The following MOXD1 variants were observed in gnomAD, a reference collection of about 807,000 sequenced individuals.
MOXD1 encodes the protein monooxygenase DBH like 1, also known as DBH-like monooxygenase protein 1.
In MOXD1, 62 loss-of-function variants were observed where a neutral mutation model predicts 66.6. The ratio of observed to expected loss-of-function variants is 0.93; its 90% CI spans 0.76 to 1.15. The LOEUF (loss-of-function observed/expected upper bound fraction) is 1.15. MOXD1 is among the 50% of genes most tolerant of loss of function. The probability of loss-of-function intolerance (pLI) is 0.00; values close to 1 mark genes in which losing one functional copy is unlikely to be tolerated. For missense variants in MOXD1, 847 were observed against 754.6 expected (o/e 1.12, Z -1.44); for synonymous variants, 303 against 281.9 (o/e 1.07, Z -0.75).
intron 1 of MOXD1, among the ~76,000 whole-genome samples, chr6:132,382,345 T>A (rs924442866): frequency 1.3e-5 from 2 of 152,134 alleles, no homozygotes; most frequent in Non-Finnish European, 2.9e-5. Context: ...ATTCTCACAT[T>A]TATACAGTAT....
At chr6:132,338,531 C>A (rs1464085899) in intron 4 of MOXD1, among the ~76,000 whole-genome samples, 1 of 152,168 alleles carries the variant, frequency 6.6e-6, no homozygotes, top group Non-Finnish European at 1.5e-5. Flanking sequence ...GCTGGAACTG[C>A]AACAGAATCA....
chr6:132,301,582 A>G (rs889279625), intron 10 of MOXD1, among the ~76,000 whole-genome samples: 1 of 152,116 alleles, frequency 6.6e-6, no homozygotes, highest in African/African-American at 2.4e-5. Flanking sequence ...TTCTCGGGGT[A>G]GAGAAGGAGA....
chr6:132,342,005 CTT>C (rs34326046), intron 4 of MOXD1, among the ~76,000 whole-genome samples: 1 of 149,128 alleles, frequency 6.7e-6, no homozygotes, highest in African/African-American at 2.4e-5. Context: ...TACAAATCAG[CTT>C]TTTTTTTTTC....
intron 6 of MOXD1, among the ~76,000 whole-genome samples, chr6:132,326,287 GA>G (rs1467362969): frequency 2.0e-5 from 3 of 151,676 alleles, no homozygotes; most frequent in Non-Finnish European, 2.9e-5. Flanking sequence ...AATAAAAATA[GA>G]AAGTACTAAA....
intron 11 of MOXD1, 87 bp from the exon 12 acceptor site, chr6:132,297,404 A>C: frequency 7.4e-7 from 1 of 1,344,404 alleles, no homozygotes; most frequent in Non-Finnish European, 1.0e-6. Context: ...ACACTTCTGC[A>C]GGGGATAAAG....
intron 1 of MOXD1, chr6:132,390,886 A>T (rs1419537643): frequency 6.6e-6 from 1 of 151,616 alleles, no homozygotes; most frequent in Non-Finnish European, 1.5e-5. Flanking sequence ...GAATAAAAGC[A>T]GTAAGAGAAA....
At chr6:132,323,412 A>C (rs1775122251) in intron 7 of MOXD1, among the ~76,000 whole-genome samples, 1 of 152,222 alleles carries the variant, frequency 6.6e-6, no homozygotes, top group Non-Finnish European at 1.5e-5. Flanking sequence ...CATATAATTC[A>C]TAAAGAGTAT....
chr6:132,317,808 A>G (rs1437437125), intron 9 of MOXD1, among the ~76,000 whole-genome samples: 1 of 152,088 alleles, frequency 6.6e-6, no homozygotes, highest in African/African-American at 2.4e-5. Flanking sequence ...TCTTCTTCCC[A>G]TTTCAACCAA....
At chr6:132,382,771 G>C (rs1023261530) in intron 1 of MOXD1, among the ~76,000 whole-genome samples, 1 of 152,186 alleles carries the variant, frequency 6.6e-6, no homozygotes, top group African/African-American at 2.4e-5. Flanking sequence ...CTGATAGTAA[G>C]TTGACATCTG....
At chr6:132,346,192 G>A (rs1412952319) in intron 4 of MOXD1, among the ~76,000 whole-genome samples, 1 of 151,668 alleles carries the variant, frequency 6.6e-6, no homozygotes, top group Admixed American at 6.6e-5. Context: ...AAAAAACTTA[G>A]GTTTTTACTT....
At chr6:132,386,714 C>T (rs1776655090) in intron 1 of MOXD1, among the ~76,000 whole-genome samples, 2 of 151,380 alleles carry the variant, frequency 1.3e-5, no homozygotes, top group African/African-American at 4.8e-5. Context: ...GAATTTGTCT[C>T]AAAAATGTTT....
At position 132,340,638 on chromosome 6, in the gene MOXD1, A is replaced by ATTTTTTT. The variant is rs869205496; in HGVS notation, c.664-12051_664-12045dup. ...ACAACATGCTAAAACAACAAGACTC[A>ATTTTTTT]TTTTTTTTTTTTTTTTTTTTTTTTT... On this transcript the variant is annotated intron_variant, in intron 4 of 11. Transcript: ENST00000367963. 1.1e-4 allele frequency among the ~76,000 whole-genome samples: 11 copies of ATTTTTTT among 98,782 alleles called. 1 individual carries two copies. The highest frequency in any genetic ancestry group is 4.1e-4 in the East Asian group (1 of 2,460). The allele number at this position is 98,782 out of a possible 152,430, so 64.8% of individuals were successfully genotyped here. A position where few individuals can be genotyped will look rare whatever the true frequency, so the allele number is the denominator to read the frequency against.
rs534022785 is a variant in MOXD1 at position 132,328,271 on chromosome 6, T to A, written c.843+144A>T. On this transcript the variant is annotated intron_variant, in intron 5 of 11. Coordinates refer to ENST00000367963, the MANE Select transcript of MOXD1 (RefSeq NM_015529.4). ...AAATAAAAATGACTTAAAGAAAGAA[T>A]CCCTTCCTACGAAAATGGAGTTAAG... 14 of 1,221,508 alleles carry A rather than the reference T, an allele frequency of 1.1e-5. 1 individual carries two copies. The East Asian group carries it at 1.5e-4, about 13-fold the overall frequency. The allele number at this position is 1,221,508 out of a possible 1,614,324, so 75.7% of individuals were successfully genotyped here. A position where few individuals can be genotyped will look rare whatever the true frequency, so the allele number is the denominator to read the frequency against.
intron 10 of MOXD1, among the ~76,000 whole-genome samples, chr6:132,298,193 T>C (rs574219736): frequency 6.6e-6 from 1 of 152,278 alleles, no homozygotes; most frequent in South Asian, 2.1e-4. Context: ...TTTAATTTTA[T>C]ATTTTTTAAT....
intron 1 of MOXD1, among the ~76,000 whole-genome samples, chr6:132,397,632 G>GAGAC (rs1251588895): frequency 9.2e-6 from 1 of 109,098 alleles, no homozygotes; most frequent in Admixed American, 9.5e-5. Flanking sequence ...GAGAGAGAGA[G>GAGAC]AGACAGAAAG....
chr6:132,361,551 C>A (rs942665867), intron 4 of MOXD1, among the ~76,000 whole-genome samples: 1 of 152,058 alleles, frequency 6.6e-6, no homozygotes, highest in Non-Finnish European at 1.5e-5. Context: ...TGTAACTTGA[C>A]AAATGCAATC....
Position 132,374,756 on chromosome 6 carries a change from T to A in MOXD1, c.286A>T (p.Arg96Ter). 1 of 1,613,796 alleles carries A rather than the reference T, an allele frequency of 6.2e-7. No individual in the cohort carries two copies. Among genetic ancestry groups the A allele is most frequent in the Non-Finnish European group, 8.5e-7 (1 of 1,179,756 alleles). Residue 96 changes from arginine (R) to a stop codon, truncating the protein, a stop_gained, in exon 2 of 12, where the codon AGA (arginine) becomes TGA (stop). Transcript: ENST00000367963. LOFTEE classifies it high-confidence loss of function. ...YLQDYFTNAN[R>*]ELKKDAQQDY... ...TGCTGAGCATCTTTTTTCAACTCTC[T>A]ATTTGCATTTGTAAAATAATCCTGT...
intron 10 of MOXD1, among the ~76,000 whole-genome samples, chr6:132,306,278 C>T (rs1489381274): frequency 6.6e-6 from 1 of 151,304 alleles, no homozygotes; most frequent in Non-Finnish European, 1.5e-5. Flanking sequence ...TTGAAGGCCA[C>T]CTTGCTGAAA....
rs771327434 is a variant in MOXD1 at position 132,375,104 on chromosome 6, C to T, written c.265-327G>A. On this transcript the variant is annotated intron_variant, in intron 1 of 11. Coordinates refer to ENST00000367963, the MANE Select transcript of MOXD1 (RefSeq NM_015529.4). ...ACTATAGCACTATGAAATGTCTTAC[C>T]GCAAAGTTTGCATTTATACAAAAAA... The T allele has an allele frequency of 5.2e-5, 20 of 380,994 alleles. No homozygotes were observed. The South Asian group carries it at 9.9e-4, about 19-fold the overall frequency. The allele number at this position is 380,994 out of a possible 1,614,324, so 23.6% of individuals were successfully genotyped here.
Sources: gnomAD v4.1 joint callset for allele counts (sites outside exome capture counted in the v4.1 genomes callset) on GRCh38, gnomAD v4.1.1 for gene constraint, MANE v1.5 for transcripts, NCBI Gene and HGNC (gene_info 2026-07-23, HGNC 2026-07-21) for gene names.